PKLR: variants seen among roughly 807,000 people sequenced by gnomAD.
PKLR encodes pyruvate kinase L/R, also known as pyruvate kinase PKLR.
A neutral mutation model predicts 53.6 loss-of-function variants in PKLR; 38 were observed. That is an observed-to-expected ratio of 0.71 (90% CI 0.55 to 0.93). PKLR has a LOEUF of 0.93. Ranked by LOEUF, PKLR falls within the 40% of genes least tolerant of loss-of-function variation. The probability of loss-of-function intolerance (pLI) is 0.00; values close to 1 mark genes in which losing one functional copy is unlikely to be tolerated. For synonymous variants in PKLR, 328 were observed against 316.2 expected (o/e 1.04, Z -0.39); for missense variants, 702 against 787.3 (o/e 0.89, Z 1.30).
chr1:155,307,927 C>T, the PKLR span, among the ~76,000 whole-genome samples: 6 of 152,238 alleles, frequency 3.9e-5, no homozygotes, highest in South Asian at 8.3e-4. Flanking sequence ...AAGGCGCGGA[C>T]CAGCACACCT....
the PKLR span, among the ~76,000 whole-genome samples, chr1:155,308,153 C>G: frequency 2.0e-5 from 3 of 150,754 alleles, no homozygotes; most frequent in South Asian, 4.2e-4. Context: ...CTCTGCCTTA[C>G]GAGTTCAAGC....
At chr1:155,292,111 C>T (rs1029139985) in intron 9 of PKLR, among the ~76,000 whole-genome samples, 174 bp from the exon 10 acceptor site, 1 of 152,098 alleles carries the variant, frequency 6.6e-6, no homozygotes, top group Non-Finnish European at 1.5e-5. Flanking sequence ...GAATGCCTGC[C>T]TCCCAGGCCG....
chr1:155,298,982 C>T (rs935646344), intron 2 of PKLR, among the ~76,000 whole-genome samples: 8 of 88,866 alleles, frequency 9.0e-5, no homozygotes, highest in African/African-American at 3.9e-4. Flanking sequence ...TTCTTTCTTT[C>T]TTTCTTTCTT....
rs749179500 is a variant in PKLR at position 155,290,594 on chromosome 1, A to G, written c.1703T>C (p.Met568Thr). ...GTCTCAGGATATGCTTAGCACCCGC[A>G]TGATGTTGGTGTAGCCGGAGCCAGG... ...WRPGSGYTNIMRVLSIS is the reference protein window; with the variant it reads ...WRPGSGYTNITRVLSIS The change falls in exon 11 of 11, where the codon ATG becomes ACG. Residue 568 changes from methionine to threonine, a missense_variant. Transcript: ENST00000342741. 6.2e-6 allele frequency: 10 copies of G among 1,611,504 alleles called. No homozygotes were observed. The highest frequency in any genetic ancestry group is 1.1e-5 in the South Asian group (1 of 91,000).
the PKLR span, among the ~76,000 whole-genome samples, chr1:155,307,382 G>C: frequency 1.3e-5 from 2 of 152,184 alleles, no homozygotes; most frequent in Non-Finnish European, 2.9e-5. Context: ...TCTTGAATAG[G>C]GACTGGGTAG....
upstream of PKLR, among the ~76,000 whole-genome samples, chr1:155,305,923 G>GAATTCC (rs1451724934): frequency 2.0e-5 from 3 of 151,942 alleles, no homozygotes; most frequent in Non-Finnish European, 4.4e-5. Flanking sequence ...GGAATTACAG[G>GAATTCC]CATGAGCCAC....
upstream of PKLR, among the ~76,000 whole-genome samples, chr1:155,304,305 G>A (rs1243080741): frequency 3.3e-5 from 5 of 151,866 alleles, no homozygotes; most frequent in East Asian, 1.9e-4. Flanking sequence ...GTGGTGGTGC[G>A]TGCCTGTAAT....
At chr1:155,300,768 C>CT in intron 1 of PKLR, 2 of 1,271,304 alleles carry the variant, frequency 1.6e-6, no homozygotes. Context: ...TACTGGCTGG[C>CT]TTCCCCACCC....
upstream of PKLR, among the ~76,000 whole-genome samples, chr1:155,306,084 C>T (rs538121400): frequency 4.6e-5 from 7 of 152,286 alleles, no homozygotes; most frequent in Non-Finnish European, 1.0e-4. This position sits in a 1 kb window ranked among gnomAD's most constrained non-coding sequence, Gnocchi z 4.2. Flanking sequence ...GGGACAGACA[C>T]TTTGACCTGA....
chr1:155,308,405 C>T, the PKLR span: 1 of 285,224 alleles, frequency 3.5e-6, no homozygotes, highest in Non-Finnish European at 5.3e-6. Context: ...GCACTTTGCA[C>T]ACATTACCTC....
At chr1:155,304,845 C>T (rs1557967988), upstream of PKLR, among the ~76,000 whole-genome samples, 1 of 152,230 alleles carries the variant, frequency 6.6e-6, no homozygotes, top group Non-Finnish European at 1.5e-5. Context: ...ATTCATGCCT[C>T]ATGGACACCA....
intron 2 of PKLR, among the ~76,000 whole-genome samples, chr1:155,297,040 C>G (rs1647639408): frequency 6.6e-6 from 1 of 152,158 alleles, no homozygotes; most frequent in Non-Finnish European, 1.5e-5. Flanking sequence ...TTGGTTGACT[C>G]CTACCTCACT....
chr1:155,293,375 G>C lies in PKLR; in HGVS notation c.1270-32C>G. The C allele has an allele frequency of 6.2e-7, 1 of 1,614,176 alleles. No individual in the cohort carries two copies. On this transcript the variant is annotated intron_variant, in intron 8 of 10. Transcript: ENST00000342741. The surrounding 1 kb of genome is among the most constrained non-coding windows in gnomAD (Gnocchi z 4.2). ...GTGCCAGAATGTTAGTCTGGGAAGG[G>C]GCACTGGGGTATGGAAGGGATTTGG... is the stretch of plus-strand genomic sequence containing the variant.
intron 1 of PKLR, 44 bp from the exon 2 acceptor site, chr1:155,300,324 C>A: frequency 6.7e-7 from 1 of 1,484,614 alleles, no homozygotes; most frequent in South Asian, 1.2e-5. Context: ...ACCTGCCCTT[C>A]CTCCCCATGC....
chr1:155,299,954 T>A, intron 2 of PKLR, 144 bp downstream of exon 2: 1 of 798,090 alleles, frequency 1.3e-6, no homozygotes, highest in Non-Finnish European at 2.1e-6. Flanking sequence ...GCCCAAAATC[T>A]TGTCTACTAT....
Position 155,293,500 on chromosome 1 carries a change from T to A in PKLR, c.1207A>T (p.Met403Leu). The change falls in exon 8 of 11, where the codon ATG becomes TTG. Residue 403 changes from methionine (M) to leucine (L), a missense_variant. Physicochemically the swap from Met to Leu is conservative, Grantham distance 15. Transcript: ENST00000342741. The surrounding 1 kb of genome is among the most constrained non-coding windows in gnomAD (Gnocchi z 4.2). ...NAVLDGADCI[M>L]LSGETAKGNF... is the part of the protein sequence containing the mutation. Reference sequence around the variant, plus strand: ...CCCTTGGCAGTCTCCCCTGACAGCATGATGCAGTCAGCCCCATCCAGCACA... The same window carrying A: ...CCCTTGGCAGTCTCCCCTGACAGCAAGATGCAGTCAGCCCCATCCAGCACA... The A allele has an allele frequency of 6.2e-7, 1 of 1,614,220 alleles. No homozygotes were observed. The highest frequency in any genetic ancestry group is 8.5e-7 in the Non-Finnish European group (1 of 1,180,018).
At chr1:155,304,437 A>T (rs1275492690), upstream of PKLR, among the ~76,000 whole-genome samples, 8 of 62,796 alleles carry the variant, frequency 1.3e-4, no homozygotes, top group African/African-American at 2.4e-4. Context: ...TGCGTCTCAA[A>T]AAAAAAAAAA....
chr1:155,306,383 A>T (rs1888929), upstream of PKLR, among the ~76,000 whole-genome samples: 2,438 of 152,258 alleles, frequency 0.016, 74 homozygotes, highest in African/African-American at 0.056. The surrounding 1 kb of genome is among the most constrained non-coding windows in gnomAD (Gnocchi z 4.2). Context: ...GCCCCGACGC[A>T]TGCCAGACTG....
At chr1:155,301,119 A>G in intron 1 of PKLR, 177 bp downstream of exon 1, 1 of 1,383,432 alleles carries the variant, frequency 7.2e-7, no homozygotes. Flanking sequence ...AGGGCCTGGA[A>G]AAGACCCAGG....
Sources: gnomAD v4.1 joint callset for allele counts (sites outside exome capture counted in the v4.1 genomes callset) on GRCh38, gnomAD v4.1.1 for gene constraint, Gnocchi (gnomAD v3.1) non-coding constraint, MANE v1.5 for transcripts, NCBI Gene and HGNC (gene_info 2026-07-23, HGNC 2026-07-21) for gene names.